Variants in INTS7 observed in about 807,000 individuals in gnomAD.
INTS7 encodes integrator complex subunit 7.
In INTS7, 46 loss-of-function variants were observed where a neutral mutation model predicts 109.2. The ratio of observed to expected loss-of-function variants is 0.42; its 90% CI spans 0.33 to 0.54. INTS7 has a LOEUF of 0.54. Ranked by LOEUF, INTS7 falls within the 20% of genes least tolerant of loss-of-function variation. INTS7 has a pLI of 0.07. For missense variants in INTS7, 929 were observed against 1,132.4 expected, an observed-to-expected ratio of 0.82 and a Z score of 2.58; for synonymous variants, 412 against 402.9, an observed-to-expected ratio of 1.02 and a Z score of -0.27.
chr1:211,988,794 G>T (rs1046798259), intron 7 of INTS7, among the ~76,000 whole-genome samples: 1 of 152,112 alleles, frequency 6.6e-6, no homozygotes, highest in African/African-American at 2.4e-5. Context: ...AAATAACAGG[G>T]AATATGGAAT....
At chr1:211,962,260 TAAAAAA>T (rs35134976) in intron 16 of INTS7, among the ~76,000 whole-genome samples, 1 of 79,330 alleles carries the variant, frequency 1.3e-5, no homozygotes, top group Non-Finnish European at 2.4e-5. Flanking sequence ...CAACAAAGAT[TAAAAAA>T]AAAAAAAAAA....
intron 16 of INTS7, among the ~76,000 whole-genome samples, chr1:211,953,728 A>T (rs1485598607): frequency 1.3e-5 from 2 of 150,908 alleles, no homozygotes; most frequent in Non-Finnish European, 2.9e-5. Flanking sequence ...AAGGACATGA[A>T]CTCATCATTT....
intron 2 of INTS7, among the ~76,000 whole-genome samples, 182 bp from the exon 3 acceptor site, chr1:212,020,450 G>A (rs1038482714): frequency 6.6e-6 from 1 of 152,140 alleles, no homozygotes; most frequent in Non-Finnish European, 1.5e-5. Context: ...TAAGCAGTGA[G>A]CTATGCTACA....
At chr1:212,005,446 CTTAAAAGTA>C (rs1665860482) in intron 7 of INTS7, among the ~76,000 whole-genome samples, 1 of 152,128 alleles carries the variant, frequency 6.6e-6, no homozygotes, top group South Asian at 2.1e-4. Context: ...TGGGTTTTCA[CTTAAAAGTA>C]TTTAAAATAT....
chr1:212,015,536 C>CTTAG (rs1666388393), intron 4 of INTS7, among the ~76,000 whole-genome samples: 1 of 151,190 alleles, frequency 6.6e-6, no homozygotes, highest in Non-Finnish European at 1.5e-5. Flanking sequence ...ATCACCACTC[C>CTTAG]CTAATCTCAA....
In INTS7 at chr1:211,944,909, G is replaced by A. The variant is rs781216943; in HGVS notation, c.2476C>T (p.Gln826Ter). ...AEPIAVQNNQ[Q>*]LALKVEGVVQ... ...ACTCCCTCTACCTTTAGCGCCAGCT[G>A]CTGGTTATTCTGGACAGCAATGGGC... is the stretch of plus-strand genomic sequence containing the variant. The change falls in exon 19 of 20, where the codon CAG becomes TAG. Residue 826 changes from glutamine (Q) to a stop codon, truncating the protein, a stop_gained. Coordinates refer to ENST00000366994, the MANE Select transcript of INTS7 (RefSeq NM_015434.4). LOFTEE classifies it high-confidence loss of function. 6.2e-7 allele frequency: 1 copy of A among 1,614,078 alleles called. No individual in the cohort carries two copies. Among genetic ancestry groups the A allele is most frequent in the African/African-American group, 1.3e-5 (1 of 74,944 alleles).
In INTS7 at chr1:212,016,895, GC is replaced by G; in HGVS notation, c.499del (p.Ala167HisfsTer8). On this transcript the variant is annotated frameshift_variant, in exon 4 of 20. Coordinates refer to ENST00000366994, the MANE Select transcript of INTS7 (RefSeq NM_015434.4). LOFTEE classifies it high-confidence loss of function. Reference protein sequence around the residue: ...AAVFAAANFSAQSKDFAVGIC... With the variant: ...AAVFAAANFSXQSKDFAVGIC... The stretch of plus-strand genomic sequence containing the variant: ...ACTTTTGTAAGCTTACTTTGACTGT[GC>G]AGAGAAGTTTGCAGCAGCAAAAACA... 1 of 1,605,018 alleles carries G rather than the reference GC, an allele frequency of 6.2e-7. No homozygotes were observed. Among genetic ancestry groups the G allele is most frequent in the Non-Finnish European group, 8.5e-7 (1 of 1,177,008 alleles).
In INTS7 at chr1:211,952,623, A is replaced by G; in HGVS notation, c.2262T>C (p.His754=). ...YERRMMSVYN[H]VLEEVESLNR... Reference sequence around the variant, plus strand: ...TGAGTGATTCTACCTCCTCCAAGACATGATTATATACAGACATCATTCTTC... The same window carrying G: ...TGAGTGATTCTACCTCCTCCAAGACGTGATTATATACAGACATCATTCTTC... The change falls in exon 17 of 20, where the codon CAT becomes CAC. Residue 754 remains histidine, a synonymous_variant. Transcript: ENST00000366994. The G allele has an allele frequency of 6.2e-7, 1 of 1,612,764 alleles. No individual in the cohort carries two copies. Among genetic ancestry groups the G allele is most frequent in the African/African-American group, 1.3e-5 (1 of 75,016 alleles).
intron 1 of INTS7, among the ~76,000 whole-genome samples, chr1:212,026,030 T>G (rs1239447142): frequency 6.6e-6 from 1 of 151,994 alleles, no homozygotes; most frequent in Non-Finnish European, 1.5e-5. Flanking sequence ...GCACCTGTAA[T>G]CACAGCTACT....
intron 7 of INTS7, among the ~76,000 whole-genome samples, chr1:211,991,069 C>T (rs1332311040): frequency 6.6e-6 from 1 of 152,034 alleles, no homozygotes; most frequent in Non-Finnish European, 1.5e-5. Flanking sequence ...GTATGACAGA[C>T]ATTTTAAAAG....
intron 7 of INTS7, among the ~76,000 whole-genome samples, chr1:212,002,239 C>G (rs887998028): frequency 1.3e-5 from 2 of 152,216 alleles, no homozygotes; most frequent in African/African-American, 4.8e-5. Flanking sequence ...ACTACCACCC[C>G]AACTACCTTG....
In INTS7 at chr1:211,966,523, C is replaced by T. The variant is rs372362784; in HGVS notation, c.2115-25G>A. On this transcript the variant is annotated intron_variant, in intron 15 of 19. Transcript: ENST00000366994. ...TCTGGATTGATGTTAAGGTTACATACGAAAATAGAGAAGAAACCCGCTATA... is the reference window on the plus strand; with the variant it reads ...TCTGGATTGATGTTAAGGTTACATATGAAAATAGAGAAGAAACCCGCTATA... 63 of 1,502,192 alleles carry T rather than the reference C, an allele frequency of 4.2e-5. 1 individual carries two copies. Among genetic ancestry groups the T allele is most frequent in the Admixed American group, 1.3e-4 (7 of 53,928 alleles). 93.1% of individuals were successfully genotyped at this position (1,502,192 alleles called of 1,614,324 possible). A position where few individuals can be genotyped will look rare whatever the true frequency, so the allele number is the denominator to read the frequency against.
chr1:211,957,661 C>T (rs1663431525), intron 16 of INTS7, among the ~76,000 whole-genome samples: 1 of 152,104 alleles, frequency 6.6e-6, no homozygotes, highest in South Asian at 2.1e-4. Context: ...CTGTCCGTAA[C>T]CTTTTTCATT....
At chr1:211,953,409 TATC>T (rs954506177) in intron 16 of INTS7, among the ~76,000 whole-genome samples, 4 of 152,212 alleles carry the variant, frequency 2.6e-5, no homozygotes, top group African/African-American at 7.2e-5. Flanking sequence ...TTAATTTTAT[TATC>T]ATTATACTTT....
In INTS7 at chr1:211,972,796, C is replaced by G. The variant is rs370954625; in HGVS notation, c.1815+2370G>C. On this transcript the variant is annotated intron_variant, in intron 13 of 19. Coordinates refer to ENST00000366994, the MANE Select transcript of INTS7 (RefSeq NM_015434.4). ...CTGGAAGAACCAGGTTCCACAAGTT[C>G]TTCAGGTGCAAGGAAATACATTCTG... Among the ~76,000 whole-genome samples the G allele has an allele frequency of 3.4e-4, 52 of 152,278 alleles. 1 individual carries two copies. Among genetic ancestry groups the G allele is most frequent in the African/African-American group, 1.1e-3 (44 of 41,548 alleles).
chr1:212,017,978 A>G (rs779723604), intron 3 of INTS7, among the ~76,000 whole-genome samples: 7 of 152,208 alleles, frequency 4.6e-5, no homozygotes, highest in Non-Finnish European at 7.4e-5. Flanking sequence ...TATACCAGAA[A>G]AGATTAGACT....
Position 211,941,729 on chromosome 1 carries a change from C to T in INTS7, c.*95G>A. ...CAAAAATCAATGAATAAATGAACTA[C>T]ACTGTAACTTTAATACTTATTCCAT... On this transcript the variant is annotated 3_prime_UTR_variant, in exon 20 of 20. Coordinates refer to ENST00000366994, the MANE Select transcript of INTS7 (RefSeq NM_015434.4). 1 of 1,477,468 alleles carries T rather than the reference C, an allele frequency of 6.8e-7. No individual in the cohort carries two copies. Among genetic ancestry groups the T allele is most frequent in the Non-Finnish European group, 9.1e-7 (1 of 1,097,528 alleles). 91.5% of individuals were successfully genotyped at this position (1,477,468 alleles called of 1,614,324 possible).
chr1:212,030,317 T>C (rs1667100051), intron 1 of INTS7, among the ~76,000 whole-genome samples: 1 of 151,886 alleles, frequency 6.6e-6, no homozygotes. Flanking sequence ...AGATGGAGTT[T>C]CATTCTTGTC....
At chr1:212,034,752 G>A (rs1667345301) in intron 1 of INTS7, among the ~76,000 whole-genome samples, 3 of 152,132 alleles carry the variant, frequency 2.0e-5, no homozygotes, top group African/African-American at 7.2e-5. Context: ...CATAAAATCA[G>A]CGGCATTGAA....
Sources: gnomAD v4.1 joint callset for allele counts (sites outside exome capture counted in the v4.1 genomes callset) on GRCh38, gnomAD v4.1.1 for gene constraint, MANE v1.5 for transcripts, NCBI Gene and HGNC (gene_info 2026-07-23, HGNC 2026-07-21) for gene names.